The following RAB33A variants were observed in gnomAD, a reference collection of about 807,000 sequenced individuals.
RAB33A encodes ras-related protein Rab-33A.
Under a neutral mutation model 12.0 loss-of-function variants are expected in RAB33A, and 6 were observed. That is an observed-to-expected ratio of 0.50 (90% CI 0.27 to 0.99). The LOEUF is 0.99. Among genes scored for constraint, RAB33A ranks in the 50% least tolerant of loss-of-function variants. The pLI, the probability that RAB33A is intolerant of heterozygous loss-of-function variation, is 0.11. For missense variants in RAB33A, 109 were observed against 192.0 expected, an observed-to-expected ratio of 0.57 and a Z score of 2.55; for synonymous variants, 70 against 82.4, an observed-to-expected ratio of 0.85 and a Z score of 0.81.
At chrX:130,163,363 G>A in the RAB33A span, among the ~76,000 whole-genome samples, 5 of 107,392 alleles carry the variant, frequency 4.7e-5, no homozygotes, top group East Asian at 1.5e-3. Flanking sequence ...GTGTATAAAC[G>A]AACCTTGCTC....
chrX:130,184,785 T>C lies in RAB33A; in HGVS notation c.*45T>C. On this transcript the variant is annotated 3_prime_UTR_variant, in exon 2 of 2. Transcript: ENST00000257017. ...AAGATAAATTATCACTGGAGTTTTT[T>C]CTTTCCCTTTTTTCTGTGCCTGCAT... is the stretch of plus-strand genomic sequence containing the variant. 1 of 1,118,588 alleles carries C rather than the reference T, an allele frequency of 8.9e-7. No homozygotes were observed. The highest frequency in any genetic ancestry group is 1.2e-6 in the Non-Finnish European group (1 of 827,169). 92.2% of individuals were successfully genotyped at this position (1,118,588 alleles called of 1,213,427 possible).
the RAB33A span, chrX:130,147,654 G>C: frequency 8.3e-7 from 1 of 1,211,822 alleles, no homozygotes. Flanking sequence ...ACGCTTATCA[G>C]AGCCAAGTCA....
In RAB33A at chrX:130,184,476, C is replaced by G. The variant is rs2031764642; in HGVS notation, c.450C>G (p.Gly150=). ...CACTAGTCCCCAAAGTGCTTGTGGG[C>G]AACAAGTGTGACTTGAGGGAACAGA... ...VPPLVPKVLV[G]NKCDLREQIQ... Residue 150 remains glycine, a synonymous_variant, in exon 2 of 2, where the codon GGC becomes GGG. Transcript: ENST00000257017. 8.3e-7 allele frequency: 1 copy of G among 1,210,482 alleles called. No homozygotes were observed. Among genetic ancestry groups the G allele is most frequent in the African/African-American group, 1.7e-5 (1 of 57,411 alleles).
Position 130,184,362 on chromosome X carries a change from C to T in RAB33A, c.336C>T (p.Ala112=), listed in dbSNP as rs752331404. ...AGCATTACTACCGCAACGTACATGC[C>T]GTGGTCTTCGTCTATGACGTCACCA... The part of the protein sequence containing the change: ...MVEHYYRNVH[A]VVFVYDVTKM... Residue 112 remains alanine (A), a synonymous_variant, in exon 2 of 2, where the codon GCC becomes GCT. Transcript: ENST00000257017. 6.6e-6 allele frequency: 8 copies of T among 1,210,374 alleles called. No individual in the cohort carries two copies. In the South Asian group the frequency reaches 7.0e-5, roughly 11 times the overall value.
chrX:130,120,055 TAACTA>T, the RAB33A span, among the ~76,000 whole-genome samples: 5 of 111,230 alleles, frequency 4.5e-5, no homozygotes, highest in Non-Finnish European at 9.4e-5. Flanking sequence ...CTCAATATGT[TAACTA>T]AACAGCCACC....
chrX:130,145,611 C>T, the RAB33A span: 3 of 991,686 alleles, frequency 3.0e-6, no homozygotes, highest in Middle Eastern at 8.4e-4. Context: ...GCATGTGGAA[C>T]TGTTATCAGC....
chrX:130,146,280 A>C, the RAB33A span, among the ~76,000 whole-genome samples: 5 of 109,541 alleles, frequency 4.6e-5, no homozygotes, highest in African/African-American at 1.7e-4. Context: ...TCTAGAAAAA[A>C]ATTTTTTTAA....
chrX:130,178,952 AT>A (rs55677728), intron 1 of RAB33A, among the ~76,000 whole-genome samples: 7,191 of 91,430 alleles, frequency 0.079, 228 homozygotes, highest in Admixed American at 0.096. Context: ...GCGCCCGGCG[AT>A]TTTTTTTTTT....
chrX:130,130,213 CTT>C, the RAB33A span: 3 of 1,188,508 alleles, frequency 2.5e-6, no homozygotes, highest in Non-Finnish European at 3.4e-6. Context: ...AAAATCAAAA[CTT>C]CAGTTATTAT....
the RAB33A span, chrX:130,131,818 G>A: frequency 8.3e-7 from 1 of 1,210,284 alleles, no homozygotes; most frequent in Non-Finnish European, 1.1e-6. Context: ...AGAGAAGAGG[G>A]TGTTCTGTCA....
chrX:130,172,398 G>T, intron 1 of RAB33A, 78 bp downstream of exon 1: 2 of 1,102,840 alleles, frequency 1.8e-6, no homozygotes, highest in African/African-American at 1.8e-5. Context: ...AGCGGTTGTC[G>T]TCGTCCAGCG....
chrX:130,156,177 T>C, the RAB33A span, among the ~76,000 whole-genome samples: 1 of 111,739 alleles, frequency 8.9e-6, no homozygotes, highest in South Asian at 3.7e-4. Context: ...ACAGGTACAA[T>C]TTTGTGGGTT....
chrX:130,165,618 C>A, the RAB33A span: 1 of 1,202,712 alleles, frequency 8.3e-7, no homozygotes, highest in Non-Finnish European at 1.1e-6. Flanking sequence ...CCAGCTTCTG[C>A]TTCAAAGCAC....
chrX:130,117,924 C>T, the RAB33A span, among the ~76,000 whole-genome samples: 1 of 112,315 alleles, frequency 8.9e-6, no homozygotes, highest in Non-Finnish European at 1.9e-5. Context: ...CCCCACAGCC[C>T]GGTGCAGGCG....
chrX:130,119,708 T>G, the RAB33A span, among the ~76,000 whole-genome samples: 1 of 111,812 alleles, frequency 8.9e-6, no homozygotes, highest in Non-Finnish European at 1.9e-5. Context: ...TGGCACACAG[T>G]GAGACCTGGG....
chrX:130,145,693 C>G, the RAB33A span: 2 of 534,343 alleles, frequency 3.7e-6, no homozygotes, highest in Non-Finnish European at 6.4e-6. Context: ...AGTAAGTCTC[C>G]AAGTCTATTA....
chrX:130,137,519 C>A, the RAB33A span: 1 of 1,166,375 alleles, frequency 8.6e-7, no homozygotes, highest in Non-Finnish European at 1.1e-6. Flanking sequence ...GCCCTGATTT[C>A]ATATATCTGA....
At chrX:130,149,764 T>A in the RAB33A span, among the ~76,000 whole-genome samples, 1 of 112,321 alleles carries the variant, frequency 8.9e-6, no homozygotes, top group African/African-American at 3.2e-5. Context: ...GGAAAAAATA[T>A]GTGTAAGCAG....
At chrX:130,157,615 G>A in the RAB33A span, among the ~76,000 whole-genome samples, 2 of 112,147 alleles carry the variant, frequency 1.8e-5, no homozygotes, top group Non-Finnish European at 3.8e-5. Context: ...TATGGACACT[G>A]AAGTTTAAAT....
Sources: allele counts gnomAD v4.1 joint callset (sites outside exome capture counted in the v4.1 genomes callset), GRCh38; gene constraint gnomAD v4.1.1; transcripts MANE v1.5; gene names NCBI Gene and HGNC (gene_info 2026-07-23, HGNC 2026-07-21).